UNC79: variants seen among roughly 807,000 people sequenced by gnomAD.
UNC79 encodes the protein protein unc-79 homolog.
Under a neutral mutation model 283.1 loss-of-function variants are expected in UNC79, and 37 were observed. The ratio of observed to expected loss-of-function variants is 0.13; its 90% CI spans 0.10 to 0.17. The LOEUF is 0.17. UNC79 is among the 10% of genes least tolerant of loss of function. UNC79 has a pLI of 1.00. For synonymous variants in UNC79, 1,107 were observed against 1,200.2 expected (o/e 0.92, Z 1.61); for missense variants, 2,272 against 3,211.1 (o/e 0.71, Z 7.07).
intron 35 of UNC79, among the ~76,000 whole-genome samples, chr14:93,651,738 T>C (rs926067141): frequency 3.5e-4 from 53 of 152,022 alleles, no homozygotes; most frequent in African/African-American, 1.2e-3. Context: ...TTATGCCTTT[T>C]GTTTCTTTTG....
In UNC79 at chr14:93,646,395, G is replaced by T. The variant is rs374104081; in HGVS notation, c.6045-213G>T. ...TAACTGCAAGTGTTTCCATGAAAATGTCTAACTTGATATAGCAGGTCTCAA... is the reference window on the plus strand; with the variant it reads ...TAACTGCAAGTGTTTCCATGAAAATTTCTAACTTGATATAGCAGGTCTCAA... On this transcript the variant is annotated intron_variant, in intron 34 of 48. Transcript: ENST00000555664. Among the ~76,000 whole-genome samples, 8 of 152,292 alleles carry T rather than the reference G, an allele frequency of 5.3e-5. No individual in the cohort carries two copies. The East Asian group carries it at 1.4e-3, about 26-fold the overall frequency.
At chr14:93,705,605 C>T (rs1029497539) in intron 48 of UNC79, among the ~76,000 whole-genome samples, 2 of 152,214 alleles carry the variant, frequency 1.3e-5, no homozygotes, top group African/African-American at 2.4e-5. Context: ...GAGGAGATCC[C>T]GCCTGAATAT....
At chr14:93,599,353 AGTGTGTGTGTGT>A (rs56758207) in intron 24 of UNC79, among the ~76,000 whole-genome samples, 215 of 148,098 alleles carry the variant, frequency 1.5e-3, no homozygotes, top group Non-Finnish European at 2.0e-3. Flanking sequence ...CACATACTTA[AGTGTGTGTGTGT>A]GTGTGTGTGT....
At chr14:93,348,682 C>T (rs2053919294) in intron 1 of UNC79, among the ~76,000 whole-genome samples, 1 of 152,140 alleles carries the variant, frequency 6.6e-6, no homozygotes, top group Non-Finnish European at 1.5e-5. Context: ...ATTTTATTAT[C>T]TTCTCTTAGT....
intron 1 of UNC79, among the ~76,000 whole-genome samples, chr14:93,388,735 G>A (rs1368475581): frequency 6.6e-6 from 1 of 152,090 alleles, no homozygotes; most frequent in Non-Finnish European, 1.5e-5. Context: ...AGTCTTTTCA[G>A]GTCTGGATGG....
At chr14:93,416,266 A>G (rs1378710744) in intron 1 of UNC79, among the ~76,000 whole-genome samples, 1 of 144,250 alleles carries the variant, frequency 6.9e-6, no homozygotes, top group South Asian at 2.3e-4. Flanking sequence ...TTCTGCCTTC[A>G]TTTCGTTATG....
At chr14:93,354,975 C>T (rs893896214) in intron 1 of UNC79, among the ~76,000 whole-genome samples, 13 of 151,824 alleles carry the variant, frequency 8.6e-5, no homozygotes, top group Non-Finnish European at 1.8e-4. Context: ...GTCATTTCAG[C>T]CACCAGAGAT....
At chr14:93,542,344 C>G in intron 13 of UNC79, 122 bp from the exon 14 acceptor site, 2 of 982,402 alleles carry the variant, frequency 2.0e-6, no homozygotes, top group Non-Finnish European at 3.0e-6. Context: ...TTTAAAACTG[C>G]CTATTTCAAA....
intron 41 of UNC79, among the ~76,000 whole-genome samples, chr14:93,679,560 GTTTTC>G (rs778888311): frequency 6.6e-6 from 1 of 152,192 alleles, no homozygotes; most frequent in Non-Finnish European, 1.5e-5. Flanking sequence ...TTGAAGAAAG[GTTTTC>G]TTTTAAAGAT....
intron 1 of UNC79, among the ~76,000 whole-genome samples, chr14:93,391,257 GAAAC>G (rs1325105938): frequency 2.0e-5 from 3 of 151,060 alleles, no homozygotes; most frequent in Non-Finnish European, 4.4e-5. Flanking sequence ...ATGATAAAAA[GAAAC>G]AAAGAAAGAA....
rs183770752 is a variant in UNC79, at chr14:93,669,811, C to G, written c.6637-3540C>G. On this transcript the variant is annotated intron_variant, in intron 40 of 48. Transcript: ENST00000555664. ...CTGCAGTGAGCTGTGATTGTGCCCC[C>G]GACACTAAACAAACAGAAAGCTCTT... 6.6e-5 allele frequency among the ~76,000 whole-genome samples: 10 copies of G among 152,170 alleles called. No homozygotes were observed. In the East Asian group the frequency reaches 1.9e-3, roughly 29 times the overall value.
intron 40 of UNC79, among the ~76,000 whole-genome samples, chr14:93,668,333 C>T (rs2072443026): frequency 6.6e-6 from 1 of 152,128 alleles, no homozygotes; most frequent in African/African-American, 2.4e-5. Flanking sequence ...CAGAAATCAC[C>T]AAATTTTAAT....
At chr14:93,556,440 A>T (rs1469926795) in intron 14 of UNC79, among the ~76,000 whole-genome samples, 3 of 152,242 alleles carry the variant, frequency 2.0e-5, no homozygotes, top group Non-Finnish European at 4.4e-5. Context: ...AGTCAAAAAG[A>T]TCAGGTAACA....
At chr14:93,470,346 G>T (rs971595729) in intron 2 of UNC79, among the ~76,000 whole-genome samples, 1 of 152,102 alleles carries the variant, frequency 6.6e-6, no homozygotes, top group Non-Finnish European at 1.5e-5. Flanking sequence ...ATTTAACTTC[G>T]ATTTATTTAA....
At chr14:93,657,913 G>A (rs1422778094) in intron 38 of UNC79, among the ~76,000 whole-genome samples, 2 of 152,188 alleles carry the variant, frequency 1.3e-5, no homozygotes, top group African/African-American at 4.8e-5. Flanking sequence ...TGTTCTGTGG[G>A]AGCGCAGGCT....
At chr14:93,364,226 CA>C (rs1381762131) in intron 1 of UNC79, among the ~76,000 whole-genome samples, 1 of 152,076 alleles carries the variant, frequency 6.6e-6, no homozygotes, top group Non-Finnish European at 1.5e-5. Flanking sequence ...TACCAAGACC[CA>C]AAAAGACCTT....
chr14:93,451,528 G>A (rs560536152), intron 1 of UNC79, among the ~76,000 whole-genome samples: 3 of 152,174 alleles, frequency 2.0e-5, no homozygotes, highest in Non-Finnish European at 2.9e-5. Flanking sequence ...TTTCCATTCT[G>A]TTTGGTCTCT....
At chr14:93,607,180 G>A (rs924343225) in intron 26 of UNC79, among the ~76,000 whole-genome samples, 1 of 152,144 alleles carries the variant, frequency 6.6e-6, no homozygotes, top group Non-Finnish European at 1.5e-5. Context: ...TACTGATGAA[G>A]ATTAATTGAA....
intron 7 of UNC79, among the ~76,000 whole-genome samples, chr14:93,523,341 C>T (rs370735769): frequency 2.0e-5 from 3 of 152,032 alleles, no homozygotes; most frequent in Non-Finnish European, 2.9e-5. Flanking sequence ...AGGTGGGTCA[C>T]GTGTAAGAGA....
Sources: gnomAD v4.1 joint callset for allele counts (sites outside exome capture counted in the v4.1 genomes callset) on GRCh38, gnomAD v4.1.1 for gene constraint, MANE v1.5 for transcripts, NCBI Gene and HGNC (gene_info 2026-07-23, HGNC 2026-07-21) for gene names.